The following FAM221B variants were observed in gnomAD, a reference collection of about 807,000 sequenced individuals.
FAM221B encodes protein FAM221B.
Under a neutral mutation model 39.8 loss-of-function variants are expected in FAM221B, and 35 were observed. The observed-to-expected ratio is 0.88, with a 90% CI of 0.67 to 1.17. The LOEUF (loss-of-function observed/expected upper bound fraction) is 1.17, where lower values mean the gene tolerates loss of function less well. FAM221B is among the 50% of genes most tolerant of loss of function. The pLI is 0.00. For missense variants in FAM221B, 479 were observed against 503.1 expected (o/e 0.95, Z 0.46); for synonymous variants, 158 against 178.1 (o/e 0.89, Z 0.90).
At chr9:35,827,933 G>A (rs1244291842) in intron 1 of FAM221B, among the ~76,000 whole-genome samples, 1 of 152,134 alleles carries the variant, frequency 6.6e-6, no homozygotes, top group African/African-American at 2.4e-5. Flanking sequence ...CAGAAGATGG[G>A]AGGTGAGGAA....
At position 35,825,021 on chromosome 9, in the gene FAM221B, T is replaced by G. The variant is rs1462323058; in HGVS notation, c.742+209A>C. Among the ~76,000 whole-genome samples the G allele has an allele frequency of 1.3e-5, 2 of 152,242 alleles. No homozygotes were observed. Among genetic ancestry groups the G allele is most frequent in the Non-Finnish European group, 2.9e-5 (2 of 68,038 alleles). ...AATAATTTTAGTTCAGCTACCTGTCTCTACCTGGGCTTTATATGAATCTCC... is the reference window on the plus strand; with the variant it reads ...AATAATTTTAGTTCAGCTACCTGTCGCTACCTGGGCTTTATATGAATCTCC... On this transcript the variant is annotated intron_variant, in intron 3 of 6. Coordinates refer to ENST00000423537, the MANE Select transcript of FAM221B (RefSeq NM_001012446.4). The surrounding 1 kb of genome is among the most constrained non-coding windows in gnomAD (Gnocchi z 4.2).
Position 35,817,272 on chromosome 9 carries a change from C to T in FAM221B, c.*1197G>A, listed in dbSNP as rs1297578319. ...CTACTTCAAGCACTTATCACCTTCA[C>T]TTGCCCTCATCTGAAAGATGTTATG... On this transcript the variant is annotated 3_prime_UTR_variant, in exon 7 of 7. Coordinates refer to ENST00000423537, the MANE Select transcript of FAM221B (RefSeq NM_001012446.4). The T allele has an allele frequency of 1.3e-5, 2 of 152,314 alleles. No individual in the cohort carries two copies. The highest frequency in any genetic ancestry group is 2.4e-5 in the African/African-American group (1 of 41,450). The allele number at this position is 152,314 out of a possible 1,614,324, so 9.4% of individuals were successfully genotyped here.
In FAM221B at chr9:35,818,510, G is replaced by A. The variant is rs1328095798; in HGVS notation, c.1172-4C>T. On this transcript the variant is annotated splice_polypyrimidine_tract_variant and splice_region_variant and intron_variant, in intron 6 of 6. Coordinates refer to ENST00000423537, the MANE Select transcript of FAM221B (RefSeq NM_001012446.4). ...CAGTTGCTGACAGTGTCTGTCCCTG[G>A]AGGAAGAAAGAGCAGAGGTGAAAGG... The A allele has an allele frequency of 6.4e-7, 1 of 1,551,672 alleles. No homozygotes were observed. The highest frequency in any genetic ancestry group is 8.7e-7 in the Non-Finnish European group (1 of 1,146,976).
At position 35,825,224 on chromosome 9, in the gene FAM221B, G is replaced by T; in HGVS notation, c.742+6C>A. ...CACAGGCCTCTGAAAGGCCACATGG[G>T]CTCACCTGTCTGGATGGCATTCAGG... On this transcript the variant is annotated splice_donor_region_variant and intron_variant, in intron 3 of 6. Coordinates refer to ENST00000423537, the MANE Select transcript of FAM221B (RefSeq NM_001012446.4). This position sits in a 1 kb window ranked among gnomAD's most constrained non-coding sequence, Gnocchi z 4.2. 6.2e-7 allele frequency: 1 copy of T among 1,614,138 alleles called. No homozygotes were observed. Among genetic ancestry groups the T allele is most frequent in the East Asian group, 2.2e-5 (1 of 44,876 alleles).
At chr9:35,822,631 G>A (rs1437717202) in intron 3 of FAM221B, among the ~76,000 whole-genome samples, 3 of 152,164 alleles carry the variant, frequency 2.0e-5, no homozygotes, top group Admixed American at 2.0e-4. Context: ...CTGGTCTCGA[G>A]CTCCTAGCCT....
At chr9:35,818,740 G>T in intron 6 of FAM221B, 150 bp downstream of exon 6, 1 of 1,124,318 alleles carries the variant, frequency 8.9e-7, no homozygotes, top group Non-Finnish European at 1.3e-6. Context: ...AACCAGTGCA[G>T]ATGTGGGATG....
Position 35,828,375 on chromosome 9 carries a change from A to T in FAM221B, c.-1+88T>A. ...TACTACTACTACTACTACTACTACTACTACAACAATGTGAAGGGACTGAGG... is the reference window on the plus strand; with the variant it reads ...TACTACTACTACTACTACTACTACTTCTACAACAATGTGAAGGGACTGAGG... On this transcript the variant is annotated intron_variant, in intron 1 of 6. Transcript: ENST00000423537. The surrounding 1 kb of genome is among the most constrained non-coding windows in gnomAD (Gnocchi z 4.5). 1 of 237,606 alleles carries T rather than the reference A, an allele frequency of 4.2e-6. No homozygotes were observed. Among genetic ancestry groups the T allele is most frequent in the Non-Finnish European group, 6.7e-6 (1 of 149,698 alleles). 14.7% of individuals were successfully genotyped at this position (237,606 alleles called of 1,614,324 possible). A position where few individuals can be genotyped will look rare whatever the true frequency, so the allele number is the denominator to read the frequency against.
chr9:35,824,261 G>T (rs1313775149), intron 3 of FAM221B, among the ~76,000 whole-genome samples: 1 of 152,160 alleles, frequency 6.6e-6, no homozygotes, highest in Non-Finnish European at 1.5e-5. Context: ...AGGTCAGGGT[G>T]GCCCTCTTAC....
chr9:35,818,949 T>C lies in FAM221B; in HGVS notation c.1112A>G (p.Glu371Gly). 6.4e-7 allele frequency: 1 copy of C among 1,551,698 alleles called. No individual in the cohort carries two copies. Among genetic ancestry groups the C allele is most frequent in the East Asian group, 2.4e-5 (1 of 40,912 alleles). The change falls in exon 6 of 7, where the codon GAG (glutamate) becomes GGG (glycine). Residue 371 changes from glutamate (E) to glycine (G), a missense_variant. Transcript: ENST00000423537. The stretch of plus-strand genomic sequence containing the variant: ...GGTGTCAAAGAAAGTCTCGTGTTCC[T>C]CCCAGCGCCGGTCACAGGCCGCACA... ...FLCAACDRRW[E>G]EHETFFDTQK...
In FAM221B at chr9:35,825,855, C is replaced by T; in HGVS notation, c.307G>A (p.Glu103Lys). ...SLDSPISVVP[E>K]KHLTLPPQSR... The stretch of plus-strand genomic sequence containing the variant: ...TGGGGAGGAAGAGTAAGGTGTTTCT[C>T]TGGCACCACTGAGATGGGACTATCC... Residue 103 changes from glutamate to lysine, a missense_variant, in exon 2 of 7, where the codon GAG becomes AAG. Transcript: ENST00000423537. The surrounding 1 kb of genome is among the most constrained non-coding windows in gnomAD (Gnocchi z 4.2). 6.2e-7 allele frequency: 1 copy of T among 1,614,164 alleles called. No homozygotes were observed. The highest frequency in any genetic ancestry group is 8.5e-7 in the Non-Finnish European group (1 of 1,180,034).
intron 3 of FAM221B, 56 bp from the exon 4 acceptor site, chr9:35,820,056 GT>G: frequency 4.7e-6 from 6 of 1,289,228 alleles, no homozygotes; most frequent in Non-Finnish European, 6.7e-6. Context: ...CCCCCGAAGT[GT>G]TCTTACCTAT....
chr9:35,816,910 G>A lies in FAM221B; in HGVS notation c.*1559C>T, dbSNP rs758039464. 8.5e-5 allele frequency: 13 copies of A among 152,202 alleles called. No homozygotes were observed. The highest frequency in any genetic ancestry group is 1.9e-4 in the Non-Finnish European group (13 of 68,034). 9.4% of individuals were successfully genotyped at this position (152,202 alleles called of 1,614,324 possible). A position where few individuals can be genotyped will look rare whatever the true frequency, so the allele number is the denominator to read the frequency against. ...TGGGCCCCAGAGGCTGCAGTTCTCT[G>A]TGGTGCCTCTGGGACACTGGGAGAC... On this transcript the variant is annotated 3_prime_UTR_variant, in exon 7 of 7. Transcript: ENST00000423537.
intron 6 of FAM221B, 118 bp downstream of exon 6, chr9:35,818,772 G>T: frequency 7.3e-7 from 1 of 1,371,508 alleles, no homozygotes; most frequent in Non-Finnish European, 9.9e-7. Flanking sequence ...GTGGTGGGGA[G>T]GTGGGCTGAG....
At chr9:35,824,842 C>T (rs1024886672) in intron 3 of FAM221B, among the ~76,000 whole-genome samples, 8 of 151,992 alleles carry the variant, frequency 5.3e-5, no homozygotes, top group East Asian at 1.9e-4. Context: ...CCACCACGCC[C>T]GGCTAATTTT....
rs1829491286 is a variant in FAM221B at position 35,828,317 on chromosome 9, AACAACAACAACAACAACTACTACT to A, written c.-1+122_-1+145del. ...AAACAACAACAACAACAACAACAAC[AACAACAACAACAACAACTACTACT>A]ACTACTACTACTACTACTACTACTA... On this transcript the variant is annotated intron_variant, in intron 1 of 6. Coordinates refer to ENST00000423537, the MANE Select transcript of FAM221B (RefSeq NM_001012446.4). This position sits in a 1 kb window ranked among gnomAD's most constrained non-coding sequence, Gnocchi z 4.5. 1 of 133,208 alleles carries A rather than the reference AACAACAACAACAACAACTACTACT, an allele frequency of 7.5e-6. No individual in the cohort carries two copies. Among genetic ancestry groups the A allele is most frequent in the African/African-American group, 2.9e-5 (1 of 34,280 alleles). The allele number at this position is 133,208 out of a possible 1,614,324, so 8.3% of individuals were successfully genotyped here.
At position 35,818,913 on chromosome 9, in the gene FAM221B, C is replaced by A; in HGVS notation, c.1148G>T (p.Arg383Leu). Residue 383 changes from arginine (R) to leucine (L), a missense_variant, in exon 6 of 7, where the codon CGG becomes CTG. Arg to Leu is a moderately radical substitution (Grantham distance 102). Coordinates refer to ENST00000423537, the MANE Select transcript of FAM221B (RefSeq NM_001012446.4). ...HETFFDTQKT[R>L]QRGGRPRGTD... ...ACCGCGAGGCCTTCCTCCTCGTTGC[C>A]GGGTCTTCTGGGTGTCAAAGAAAGT... 1 of 1,551,936 alleles carries A rather than the reference C, an allele frequency of 6.4e-7. No homozygotes were observed. Among genetic ancestry groups the A allele is most frequent in the South Asian group, 1.2e-5 (1 of 84,064 alleles).
rs1829084671 is a variant in FAM221B, at chr9:35,819,217, G to T, written c.1031C>A (p.Pro344His). ...HSHEEHAATG[P>H]HPCRHHGCCC... ...GTTACCATGATGCCTGCAGGGATGGGGCCCAGTGGCTGCATGTTCTTCGTG... is the reference window on the plus strand; with the variant it reads ...GTTACCATGATGCCTGCAGGGATGGTGCCCAGTGGCTGCATGTTCTTCGTG... The change falls in exon 5 of 7, where the codon CCC becomes CAC. Residue 344 changes from proline to histidine, a missense_variant. Pro to His is a moderately conservative substitution (Grantham distance 77, BLOSUM62 -2). Coordinates refer to ENST00000423537, the MANE Select transcript of FAM221B (RefSeq NM_001012446.4). 6.4e-7 allele frequency: 1 copy of T among 1,551,580 alleles called. No individual in the cohort carries two copies. The highest frequency in any genetic ancestry group is 1.4e-5 in the African/African-American group (1 of 73,176).
intron 3 of FAM221B, among the ~76,000 whole-genome samples, chr9:35,824,064 C>T (rs1829225157): frequency 6.6e-6 from 1 of 151,936 alleles, no homozygotes; most frequent in South Asian, 2.1e-4. Flanking sequence ...AGGGTCCCTG[C>T]ATGGGAAAGG....
At chr9:35,821,958 TTCTG>T (rs956129524) in intron 3 of FAM221B, among the ~76,000 whole-genome samples, 6 of 152,232 alleles carry the variant, frequency 3.9e-5, no homozygotes, top group African/African-American at 1.4e-4. Context: ...GCCATTTTGA[TTCTG>T]TCTAACACAG....
Sources: allele counts gnomAD v4.1 joint callset (sites outside exome capture counted in the v4.1 genomes callset), GRCh38; gene constraint gnomAD v4.1.1; non-coding constraint Gnocchi (gnomAD v3.1); transcripts MANE v1.5; gene names NCBI Gene and HGNC (gene_info 2026-07-23, HGNC 2026-07-21).